The following FLNC variants were observed in gnomAD, a reference collection of about 807,000 sequenced individuals.
The protein encoded by FLNC is filamin-C.
FLNC carries 91 observed loss-of-function variants against 254.3 expected under a neutral mutation model. The ratio of observed to expected loss-of-function variants is 0.36; its 90% CI spans 0.30 to 0.43. FLNC has a LOEUF of 0.43. FLNC is among the 20% of genes least tolerant of loss of function. The probability of loss-of-function intolerance (pLI) is 1.00; values close to 1 mark genes in which losing one functional copy is unlikely to be tolerated. For synonymous variants in FLNC, 1,430 were observed against 1,577.2 expected (o/e 0.91, Z 2.21); for missense variants, 2,853 against 3,802.6 (o/e 0.75, Z 6.57).
In FLNC at chr7:128,830,814, C is replaced by G. The variant is rs1807855676; in HGVS notation, c.177C>G (p.Asp59Glu). 1.2e-6 allele frequency: 2 copies of G among 1,613,106 alleles called. No individual in the cohort carries two copies. The highest frequency in any genetic ancestry group is 2.2e-5 in the East Asian group (1 of 44,872). ...AGTGCGTGGGCAAGCGCCTGACCGA[C>G]CTGCAGCGCGACCTCAGCGACGGGC... ...HLKCVGKRLT[D>E]LQRDLSDGLR... The change falls in exon 1 of 48, where the codon GAC becomes GAG. Residue 59 changes from aspartate to glutamate, a missense_variant. This residue lies in a region of FLNC where 59 missense variants were observed against 59.8 expected (regional missense o/e 0.99). Transcript: ENST00000325888.
At position 128,843,899 on chromosome 7, in the gene FLNC, A is replaced by G. The variant is rs779737718; in HGVS notation, c.2915A>G (p.Gln972Arg). 1 of 1,614,110 alleles carries G rather than the reference A, an allele frequency of 6.2e-7. No individual in the cohort carries two copies. The highest frequency in any genetic ancestry group is 8.5e-7 in the Non-Finnish European group (1 of 1,180,022). ...CTGGACCTCAGCAAAATCAAAGTTCAGGGCCTTAATAGCAGTAAGTGGGGC... is the reference window on the plus strand; with the variant it reads ...CTGGACCTCAGCAAAATCAAAGTTCGGGGCCTTAATAGCAGTAAGTGGGGC... ...PPLDLSKIKV[Q>R]GLNSKVAVGQ... The change falls in exon 19 of 48, where the codon CAG becomes CGG. Residue 972 changes from glutamine (Q) to arginine (R), a missense_variant. Gln to Arg is a conservative substitution (Grantham distance 43). Around this residue, in one of 10 missense-constraint regions of FLNC, gnomAD observed 1,573 missense variants for 1,883.5 expected, o/e 0.84. Coordinates refer to ENST00000325888, the MANE Select transcript of FLNC (RefSeq NM_001458.5).
Position 128,849,490 on chromosome 7 carries a change from TCTA to T in FLNC, c.5116_5118del (p.Tyr1706del). The T allele has an allele frequency of 1.2e-6, 2 of 1,614,172 alleles. No individual in the cohort carries two copies. Among genetic ancestry groups the T allele is most frequent in the South Asian group, 2.2e-5 (2 of 91,086 alleles). ...GAGAACCATGACGGTACCTTTGACA[TCTA>T]CTACACAGCGCCCGAGCCGGGCAAG... On this transcript the variant is annotated inframe_deletion, in exon 30 of 48. Transcript: ENST00000325888.
At position 128,846,022 on chromosome 7, in the gene FLNC, G is replaced by C. The variant is rs748201886; in HGVS notation, c.3823G>C (p.Val1275Leu). The C allele has an allele frequency of 6.2e-7, 1 of 1,613,772 alleles. No homozygotes were observed. The highest frequency in any genetic ancestry group is 1.3e-5 in the African/African-American group (1 of 74,902). The stretch of plus-strand genomic sequence containing the variant: ...GCGGGAGGTGACCACTGAGTTCACT[G>C]TGGATGCAAGATCCCTAACAGCCAC... ...VLREVTTEFT[V>L]DARSLTATGG... Residue 1275 changes from valine to leucine, a missense_variant, in exon 22 of 48, where the codon GTG (valine) becomes CTG (leucine). Physicochemically the swap from Val to Leu is conservative, Grantham distance 32. Around this residue, in one of 10 missense-constraint regions of FLNC, gnomAD observed 1,573 missense variants for 1,883.5 expected, o/e 0.84. Transcript: ENST00000325888.
At chr7:128,840,192 G>A (rs758715550) in intron 9 of FLNC, 32 bp downstream of exon 9, 16 of 1,611,864 alleles carry the variant, frequency 9.9e-6, no homozygotes, top group Non-Finnish European at 1.4e-5. Flanking sequence ...CGTGAGGGTG[G>A]GGCTGGGGGA....
In FLNC at chr7:128,830,635, A is replaced by G; in HGVS notation, c.-3A>G. The stretch of plus-strand genomic sequence containing the variant: ...CCCGGCCGCACCCCCAGCCCGCGCC[A>G]GCATGATGAACAACAGCGGCTACTC... On this transcript the variant is annotated 5_prime_UTR_variant, in exon 1 of 48. Coordinates refer to ENST00000325888, the MANE Select transcript of FLNC (RefSeq NM_001458.5). 1 of 1,611,908 alleles carries G rather than the reference A, an allele frequency of 6.2e-7. No individual in the cohort carries two copies. Among genetic ancestry groups the G allele is most frequent in the South Asian group, 1.1e-5 (1 of 91,050 alleles).
chr7:128,850,462 G>A lies in FLNC; in HGVS notation c.5377G>A (p.Val1793Met), dbSNP rs587780337. 34 of 1,613,396 alleles carry A rather than the reference G, an allele frequency of 2.1e-5. No individual in the cohort carries two copies. In the Admixed American group the frequency reaches 5.0e-4, roughly 24 times the overall value. Residue 1793 changes from valine (V) to methionine (M), a missense_variant, in exon 32 of 48, where the codon GTG becomes ATG. By Grantham distance (21) the Val-to-Met change is conservative. Coordinates refer to ENST00000325888, the MANE Select transcript of FLNC (RefSeq NM_001458.5). ...CTTCAACCTGGTCATCCCCTTCGCG[G>A]TGCAGAAAGGGGAGCTCACAGGTAC... ...RPFNLVIPFA[V>M]QKGELTGEVR...
At chr7:128,834,731 A>T (rs527744069) in intron 1 of FLNC, among the ~76,000 whole-genome samples, 1 of 152,198 alleles carries the variant, frequency 6.6e-6, no homozygotes, top group South Asian at 2.1e-4. Flanking sequence ...ATAACACTCT[A>T]GGAAATACAA....
intron 10 of FLNC, 43 bp from the exon 11 acceptor site, chr7:128,840,791 G>A (rs377025688): frequency 9.3e-6 from 15 of 1,613,100 alleles, no homozygotes; most frequent in Middle Eastern, 1.6e-4. Context: ...AGGGACTTTG[G>A]GGGGCACTTC....
intron 10 of FLNC, 54 bp downstream of exon 10, chr7:128,840,728 C>A (rs556514700): frequency 2.9e-5 from 46 of 1,613,860 alleles, no homozygotes; most frequent in South Asian, 2.2e-5. Flanking sequence ...CAGGGAGGGA[C>A]GAGGGGCACT....
At chr7:128,848,485 T>C in intron 26 of FLNC, 76 bp from the exon 27 acceptor site, 1 of 1,499,504 alleles carries the variant, frequency 6.7e-7, no homozygotes, top group Non-Finnish European at 9.2e-7. Flanking sequence ...GGGAGGACTC[T>C]GGCTCAAGAT....
At position 128,841,709 on chromosome 7, in the gene FLNC, T is replaced by A. The variant is rs1054837194; in HGVS notation, c.2121+142T>A. On this transcript the variant is annotated intron_variant, in intron 13 of 47. Transcript: ENST00000325888. The surrounding 1 kb of genome is among the most constrained non-coding windows in gnomAD (Gnocchi z 4.3). ...GGCAGGACTGATACTCATGGGCCCA[T>A]CAGTACCATGGAAAATTTTAAATTT... is the stretch of plus-strand genomic sequence containing the variant. 1.4e-6 allele frequency: 1 copy of A among 698,942 alleles called. No individual in the cohort carries two copies. Among genetic ancestry groups the A allele is most frequent in the African/African-American group, 1.8e-5 (1 of 55,898 alleles). The allele number at this position is 698,942 out of a possible 1,614,324, so 43.3% of individuals were successfully genotyped here. A position where few individuals can be genotyped will look rare whatever the true frequency, so the allele number is the denominator to read the frequency against.
In FLNC at chr7:128,841,043, C is replaced by T; in HGVS notation, c.1813+73C>T. 1 of 1,561,176 alleles carries T rather than the reference C, an allele frequency of 6.4e-7. No individual in the cohort carries two copies. The highest frequency in any genetic ancestry group is 8.7e-7 in the Non-Finnish European group (1 of 1,145,154). Reference sequence around the variant, plus strand: ...CAGGGGACACTGTGGGTAATGGGTGCAGTGCGCATGCTGGGGAGCGCTGGG... The same window carrying T: ...CAGGGGACACTGTGGGTAATGGGTGTAGTGCGCATGCTGGGGAGCGCTGGG... On this transcript the variant is annotated intron_variant, in intron 11 of 47. Transcript: ENST00000325888. The surrounding 1 kb of genome is among the most constrained non-coding windows in gnomAD (Gnocchi z 4.3).
Position 128,851,312 on chromosome 7 carries a change from G to A in FLNC, c.5620G>A (p.Val1874Ile), listed in dbSNP as rs779574644. The change falls in exon 34 of 48, where the codon GTC (valine) becomes ATC (isoleucine). Residue 1874 changes from valine to isoleucine, a missense_variant. By Grantham distance (29) the Val-to-Ile change is conservative. Transcript: ENST00000325888. Reference sequence around the variant, plus strand: ...TGGGCCAGGCCTGAGCCATGGCATGGTCAACAAGCCAGCCACCTTCACTAT... The same window carrying A: ...TGGGCCAGGCCTGAGCCATGGCATGATCAACAAGCCAGCCACCTTCACTAT... The part of the protein sequence containing the change: ...AYGPGLSHGM[V>I]NKPATFTIVT... The A allele has an allele frequency of 2.5e-6, 4 of 1,614,030 alleles. No homozygotes were observed. The highest frequency in any genetic ancestry group is 2.2e-5 in the South Asian group (2 of 91,092).
At chr7:128,853,432 T>C (rs1303881288) in intron 37 of FLNC, 37 bp from the exon 38 acceptor site, 3 of 1,611,572 alleles carry the variant, frequency 1.9e-6, no homozygotes, top group Non-Finnish European at 2.5e-6. Flanking sequence ...TTGGCCAGCC[T>C]AGGACTGAGG....
In FLNC at chr7:128,856,999, G is replaced by A; in HGVS notation, c.7561+78G>A. On this transcript the variant is annotated intron_variant, in intron 45 of 47. Coordinates refer to ENST00000325888, the MANE Select transcript of FLNC (RefSeq NM_001458.5). This position sits in a 1 kb window ranked among gnomAD's most constrained non-coding sequence, Gnocchi z 5.9. The stretch of plus-strand genomic sequence containing the variant: ...AGTCTGGTGCTGCTTTGCTCCAGAG[G>A]TAGGGGCCCTGCTTCCTAAGCCAGG... The A allele has an allele frequency of 1.3e-6, 2 of 1,580,492 alleles. No homozygotes were observed. The highest frequency in any genetic ancestry group is 1.7e-6 in the Non-Finnish European group (2 of 1,151,870).
rs375227447 is a variant in FLNC, at chr7:128,847,878, G to A, written c.4456+14G>A. The A allele has an allele frequency of 2.5e-4, 398 of 1,613,860 alleles. No homozygotes were observed. In the African/African-American group the frequency reaches 4.7e-3, roughly 19 times the overall value. ...TGGGCCCCACAGGTATAGAATGGCC[G>A]GGGCAGGGAGGAGGGAGGTGGGGCG... On this transcript the variant is annotated intron_variant, in intron 25 of 47. Transcript: ENST00000325888.
In FLNC at chr7:128,853,596, C is replaced by T. The variant is rs753241890; in HGVS notation, c.6336C>T (p.Ile2112=). The change falls in exon 38 of 48, where the codon ATC becomes ATT. Residue 2112 remains isoleucine (I), a synonymous_variant. Transcript: ENST00000325888. ...PTEPGTYIIN[I]KFADKHVPGS... Reference sequence around the variant, plus strand: ...AGCCCGGCACCTACATCATCAACATCAAGTTTGCTGACAAGCACGTGCCTG... The same window carrying T: ...AGCCCGGCACCTACATCATCAACATTAAGTTTGCTGACAAGCACGTGCCTG... 1 of 1,614,148 alleles carries T rather than the reference C, an allele frequency of 6.2e-7. No individual in the cohort carries two copies. Among genetic ancestry groups the T allele is most frequent in the Non-Finnish European group, 8.5e-7 (1 of 1,180,032 alleles).
At chr7:128,850,340 T>G (rs763816349) in intron 31 of FLNC, 44 bp from the exon 32 acceptor site, 26 of 1,511,582 alleles carry the variant, frequency 1.7e-5, no homozygotes, top group Non-Finnish European at 2.3e-5. Flanking sequence ...GTCAAACTCC[T>G]GGGCCTTCCC....
chr7:128,852,520 G>T (rs1808861805), intron 35 of FLNC, 71 bp from the exon 36 acceptor site: 1 of 1,557,662 alleles, frequency 6.4e-7, no homozygotes, highest in East Asian at 2.2e-5. Flanking sequence ...TGCTCAGGAG[G>T]GTTCCTGAGC....
Sources: gnomAD v4.1 joint callset for allele counts (sites outside exome capture counted in the v4.1 genomes callset) on GRCh38, gnomAD v4.1.1 for gene constraint, gnomAD v4.1.1 regional missense constraint, Gnocchi (gnomAD v3.1) non-coding constraint, MANE v1.5 for transcripts, NCBI Gene and HGNC (gene_info 2026-07-23, HGNC 2026-07-21) for gene names.